The following NAV2 variants were observed in gnomAD, a reference collection of about 807,000 sequenced individuals.
The protein encoded by NAV2 is helicase, APC down-regulated 1.
Under a neutral mutation model 223.2 loss-of-function variants are expected in NAV2, and 54 were observed. The observed-to-expected ratio is 0.24, with a 90% CI of 0.19 to 0.30. The LOEUF is 0.30. NAV2 is among the 10% of genes least tolerant of loss of function. The pLI is 1.00. For synonymous variants in NAV2, 1,279 were observed against 1,239.3 expected, an observed-to-expected ratio of 1.03 and a Z score of -0.67; for missense variants, 2,806 against 3,147.5, an observed-to-expected ratio of 0.89 and a Z score of 2.60.
chr11:19,619,800 A>G (rs1156382936), intron 1 of NAV2, among the ~76,000 whole-genome samples: 5 of 151,936 alleles, frequency 3.3e-5, no homozygotes, highest in Non-Finnish European at 7.4e-5. Context: ...TTTTGTTGCC[A>G]TTGCTTTTGG....
intron 1 of NAV2, among the ~76,000 whole-genome samples, chr11:19,744,109 TA>T (rs1483936518): frequency 6.6e-6 from 1 of 152,200 alleles, no homozygotes; most frequent in Non-Finnish European, 1.5e-5. Context: ...GTTCCCATAT[TA>T]CAGATGAAGA....
chr11:19,656,866 G>A (rs936665577), intron 1 of NAV2, among the ~76,000 whole-genome samples: 1 of 152,192 alleles, frequency 6.6e-6, no homozygotes, highest in African/African-American at 2.4e-5. Flanking sequence ...ATGTTTGCTT[G>A]TGATTTGGAT....
rs147921527 is a variant in NAV2 at position 19,883,406 on chromosome 11, C to T, written c.770+3279C>T. Among the ~76,000 whole-genome samples, 100 of 152,330 alleles carry T rather than the reference C, an allele frequency of 6.6e-4. 3 individuals carry two copies. The East Asian group carries it at 0.011, about 17-fold the overall frequency. The stretch of plus-strand genomic sequence containing the variant: ...GTGGCCAAGAACTTAATCCACATTT[C>T]ACCCTGTGAAATTCCCCACTGGTCT... On this transcript the variant is annotated intron_variant, in intron 5 of 37. Coordinates refer to ENST00000349880, the MANE Select transcript of NAV2 (RefSeq NM_145117.5).
intron 1 of NAV2, among the ~76,000 whole-genome samples, chr11:19,524,885 C>A (rs1178139012): frequency 1.3e-5 from 2 of 152,152 alleles, no homozygotes; most frequent in Non-Finnish European, 2.9e-5. Flanking sequence ...TTGACTTCAG[C>A]TAACAGACAC....
At position 20,035,965 on chromosome 11, in the gene NAV2, C is replaced by T. The variant is rs750583571; in HGVS notation, c.2775C>T (p.Asp925=). The T allele has an allele frequency of 1.3e-5, 21 of 1,613,968 alleles. No individual in the cohort carries two copies. The highest frequency in any genetic ancestry group is 4.5e-5 in the East Asian group (2 of 44,876). Residue 925 remains aspartate (D), a synonymous_variant, in exon 12 of 38, where the codon GAC becomes GAT. Transcript: ENST00000349880. The part of the protein sequence containing the change: ...SLGLGDADSW[D]DSSSVSSGIS... ...TGTGTGTTTGTCTTGGCAGCTGGGA[C>T]GACAGCAGCTCCGTCAGCAGCGGCA...
At chr11:20,105,336 T>C (rs1030036997) in intron 34 of NAV2, 195 bp from the exon 35 acceptor site, 2 of 483,334 alleles carry the variant, frequency 4.1e-6, no homozygotes, top group African/African-American at 2.0e-5. Context: ...AGATAATATC[T>C]ATGTTAGAGG....
At position 20,107,945 on chromosome 11, in the gene NAV2, G is replaced by GC. The variant is rs569697303; in HGVS notation, c.6960+164dup. Among the ~76,000 whole-genome samples, 209 of 152,190 alleles carry GC rather than the reference G, an allele frequency of 1.4e-3. 2 individuals are homozygous for GC. The highest frequency in any genetic ancestry group is 4.9e-3 in the African/African-American group (204 of 41,544). ...GTCCAGTGTAGGGACACACCTGGCT[G>GC]CAAGTCCTGGCTCTTCCACCCATTA... On this transcript the variant is annotated intron_variant, in intron 36 of 37. Transcript: ENST00000349880.
chr11:19,958,627 A>T (rs2048088484), intron 10 of NAV2, among the ~76,000 whole-genome samples: 1 of 152,170 alleles, frequency 6.6e-6, no homozygotes, highest in African/African-American at 2.4e-5. Flanking sequence ...CAGTGAGATC[A>T]TGGTGTGTAC....
At chr11:19,669,969 C>T (rs974773271) in intron 1 of NAV2, among the ~76,000 whole-genome samples, 11 of 152,108 alleles carry the variant, frequency 7.2e-5, no homozygotes, top group African/African-American at 2.7e-4. Context: ...CATCAACATA[C>T]TCAGGAAAAA....
Position 20,045,439 on chromosome 11 carries a change from G to T in NAV2, c.3671G>T (p.Gly1224Val). The part of the protein sequence containing the change: ...IDSNISSKSA[G>V]LPVPKLREPS... The stretch of plus-strand genomic sequence containing the variant: ...TCCAACATTAGCAGCAAGTCCGCAG[G>T]CCTGCCAGTGCCCAAACTGAGGGAG... Residue 1224 changes from glycine to valine, a missense_variant, in exon 14 of 38, where the codon GGC becomes GTC. By Grantham distance (109) the Gly-to-Val change is moderately radical. Coordinates refer to ENST00000349880, the MANE Select transcript of NAV2 (RefSeq NM_145117.5). 1 of 1,614,162 alleles carries T rather than the reference G, an allele frequency of 6.2e-7. No individual in the cohort carries two copies. The highest frequency in any genetic ancestry group is 1.7e-5 in the Admixed American group (1 of 60,024).
chr11:19,856,794 G>A (rs778101587), intron 3 of NAV2, among the ~76,000 whole-genome samples: 1 of 152,198 alleles, frequency 6.6e-6, no homozygotes, highest in African/African-American at 2.4e-5. Flanking sequence ...GCAGGATTCT[G>A]AATTGAGCAT....
At chr11:19,486,423 T>G (rs552505070) in intron 1 of NAV2, among the ~76,000 whole-genome samples, 2 of 152,308 alleles carry the variant, frequency 1.3e-5, no homozygotes, top group South Asian at 4.1e-4. Flanking sequence ...CATATTGAAC[T>G]GTAGTTTCCA....
chr11:19,737,684 C>T (rs542591483), intron 1 of NAV2, among the ~76,000 whole-genome samples: 1 of 152,188 alleles, frequency 6.6e-6, no homozygotes, highest in Admixed American at 6.5e-5. Flanking sequence ...AGTTCTTACC[C>T]GACAGGGTGC....
intron 6 of NAV2, among the ~76,000 whole-genome samples, chr11:19,892,828 C>T (rs574267125): frequency 3.3e-5 from 5 of 152,188 alleles, no homozygotes; most frequent in Admixed American, 3.3e-4. Context: ...TTGGGTGGGG[C>T]CCCATAGACA....
intron 5 of NAV2, among the ~76,000 whole-genome samples, chr11:19,890,277 C>T (rs1384742642): frequency 2.0e-5 from 3 of 152,170 alleles, no homozygotes; most frequent in African/African-American, 7.2e-5. Context: ...ACCATGCTGC[C>T]TCACAGAGGA....
chr11:19,873,983 A>G lies in NAV2; in HGVS notation c.511+4986A>G, dbSNP rs186434152. Among the ~76,000 whole-genome samples the G allele has an allele frequency of 1.1e-4, 16 of 152,292 alleles. No homozygotes were observed. In the East Asian group the frequency reaches 2.9e-3, roughly 28 times the overall value. ...GTAAACCTCACACAACCATGGCTCA[A>G]AGGAATTGAATAGGAGTTCTGCAGC... is the stretch of plus-strand genomic sequence containing the variant. On this transcript the variant is annotated intron_variant, in intron 4 of 37. Coordinates refer to ENST00000349880, the MANE Select transcript of NAV2 (RefSeq NM_145117.5).
chr11:20,092,588 A>G (rs1374091855), intron 28 of NAV2, among the ~76,000 whole-genome samples: 1 of 152,130 alleles, frequency 6.6e-6, no homozygotes, highest in Admixed American at 6.6e-5. Flanking sequence ...AAATTCTCCA[A>G]GCCCTGAGCT....
At chr11:19,965,831 T>G (rs955490703) in intron 10 of NAV2, among the ~76,000 whole-genome samples, 6 of 152,250 alleles carry the variant, frequency 3.9e-5, no homozygotes, top group African/African-American at 1.4e-4. Context: ...AGATGGCATA[T>G]GTCTGGTCTG....
chr11:19,361,272 T>A (rs1853923489), intron 1 of NAV2, among the ~76,000 whole-genome samples: 1 of 148,498 alleles, frequency 6.7e-6, no homozygotes, highest in Middle Eastern at 3.5e-3. Flanking sequence ...GAGGTTTTAG[T>A]GGGTCTACTT....
Sources: gnomAD v4.1 joint callset for allele counts (sites outside exome capture counted in the v4.1 genomes callset) on GRCh38, gnomAD v4.1.1 for gene constraint, MANE v1.5 for transcripts, NCBI Gene and HGNC (gene_info 2026-07-23, HGNC 2026-07-21) for gene names.